Variants in MSI2 observed in about 807,000 individuals in gnomAD.
MSI2 encodes the protein RNA-binding protein Musashi homolog 2.
MSI2 carries 17 observed loss-of-function variants against 45.6 expected under a neutral mutation model. The observed-to-expected ratio is 0.37, with a 90% CI of 0.26 to 0.56. The LOEUF is 0.56. Among genes scored for constraint, MSI2 ranks in the 20% least tolerant of loss-of-function variants. MSI2 has a pLI of 0.77. For synonymous variants in MSI2, 156 were observed against 158.2 expected, an observed-to-expected ratio of 0.99 and a Z score of 0.11; for missense variants, 293 against 444.2, an observed-to-expected ratio of 0.66 and a Z score of 3.06.
chr17:57,326,456 G>C (rs546248657), intron 5 of MSI2, among the ~76,000 whole-genome samples: 1 of 152,306 alleles, frequency 6.6e-6, no homozygotes, highest in East Asian at 1.9e-4. Context: ...CTTGGGATAA[G>C]AGATATAGGT....
intron 5 of MSI2, among the ~76,000 whole-genome samples, chr17:57,379,474 CTTTCT>C (rs1304831765): frequency 6.8e-6 from 1 of 147,010 alleles, no homozygotes; most frequent in Non-Finnish European, 1.5e-5. Flanking sequence ...TTTTCGTTTT[CTTTCT>C]TCTTTTTTTT....
rs72834960 is a variant in MSI2 at position 57,652,724 on chromosome 17, C to T, written c.790+563C>T. 0.077 allele frequency among the ~76,000 whole-genome samples: 11,758 copies of T among 152,250 alleles called. 1,327 individuals carry two copies. The highest frequency in any genetic ancestry group is 0.25 in the African/African-American group (10,302 of 41,486). On this transcript the variant is annotated intron_variant, in intron 11 of 13. Transcript: ENST00000284073. This position sits in a 1 kb window ranked among gnomAD's most constrained non-coding sequence, Gnocchi z 4.1. Reference sequence around the variant, plus strand: ...CCAGACTCTTCTTAGCCAGACTCCTCAGCTCCAGCTGCCAAGGGAATTGGG... The same window carrying T: ...CCAGACTCTTCTTAGCCAGACTCCTTAGCTCCAGCTGCCAAGGGAATTGGG...
chr17:57,539,830 G>C (rs2087003785), intron 7 of MSI2, among the ~76,000 whole-genome samples: 1 of 152,174 alleles, frequency 6.6e-6, no homozygotes, highest in Non-Finnish European at 1.5e-5. Context: ...GGAGCTCAAA[G>C]TGCTTCGTAA....
At chr17:57,519,913 A>C (rs889202172) in intron 6 of MSI2, among the ~76,000 whole-genome samples, 1 of 152,132 alleles carries the variant, frequency 6.6e-6, no homozygotes, top group Non-Finnish European at 1.5e-5. Context: ...GTATGATGCC[A>C]CGTGTGTGGG....
intron 11 of MSI2, among the ~76,000 whole-genome samples, chr17:57,658,340 A>G (rs1911753137): frequency 6.6e-6 from 1 of 152,228 alleles, no homozygotes; most frequent in African/African-American, 2.4e-5. Context: ...ATCTTACCTG[A>G]ACACACATCT....
At chr17:57,482,698 G>C (rs2085672231) in intron 6 of MSI2, among the ~76,000 whole-genome samples, 1 of 152,130 alleles carries the variant, frequency 6.6e-6, no homozygotes, top group Non-Finnish European at 1.5e-5. Flanking sequence ...CCGAGACTCT[G>C]TGCCTCTCAC....
chr17:57,557,380 T>C (rs1191307704), intron 7 of MSI2, among the ~76,000 whole-genome samples: 6 of 152,258 alleles, frequency 3.9e-5, no homozygotes, highest in Admixed American at 1.3e-4. Context: ...CAAGACATCA[T>C]GATGGAGTCT....
At chr17:57,312,353 A>G (rs2143613304) in intron 5 of MSI2, among the ~76,000 whole-genome samples, 1 of 152,164 alleles carries the variant, frequency 6.6e-6, no homozygotes, top group East Asian at 1.9e-4. Context: ...TTCTTTTTCA[A>G]AACTGCCAAC....
intron 6 of MSI2, among the ~76,000 whole-genome samples, chr17:57,443,730 G>C (rs1019692430): frequency 2.6e-5 from 4 of 152,142 alleles, no homozygotes; most frequent in Non-Finnish European, 5.9e-5. Flanking sequence ...TCACTCACTA[G>C]CTGTGTCCTT....
chr17:57,291,041 G>A (rs942030846), intron 5 of MSI2, among the ~76,000 whole-genome samples: 8 of 152,188 alleles, frequency 5.3e-5, no homozygotes, highest in African/African-American at 1.9e-4. Flanking sequence ...CAGCAGATGA[G>A]GGAAGACTTG....
chr17:57,334,464 C>T (rs137967719), intron 5 of MSI2, among the ~76,000 whole-genome samples: 3 of 152,172 alleles, frequency 2.0e-5, no homozygotes, highest in African/African-American at 7.2e-5. Context: ...AGCTGGGGAA[C>T]GCCTCTGAAA....
At chr17:57,331,222 T>C (rs1232142322) in intron 5 of MSI2, among the ~76,000 whole-genome samples, 3 of 152,220 alleles carry the variant, frequency 2.0e-5, no homozygotes, top group African/African-American at 7.2e-5. Flanking sequence ...CCATGTTCTT[T>C]GTGTCTCAGA....
At chr17:57,290,061 A>G (rs189218432) in intron 5 of MSI2, among the ~76,000 whole-genome samples, 4 of 152,312 alleles carry the variant, frequency 2.6e-5, no homozygotes, top group Admixed American at 2.6e-4. Context: ...AGTATAGCCC[A>G]TGGTTGACAG....
intron 5 of MSI2, among the ~76,000 whole-genome samples, chr17:57,346,200 A>G (rs1264955036): frequency 3.9e-5 from 6 of 152,240 alleles, no homozygotes; most frequent in African/African-American, 1.4e-4. Context: ...TTACATCATT[A>G]CTATAAATGA....
chr17:57,545,591 G>GA (rs1388019826), intron 7 of MSI2, among the ~76,000 whole-genome samples: 1 of 152,150 alleles, frequency 6.6e-6, no homozygotes, highest in Admixed American at 6.5e-5. Flanking sequence ...CCGATGGGGG[G>GA]ACCAGTAAAT....
the MSI2 span, among the ~76,000 whole-genome samples, chr17:57,698,665 C>T: frequency 6.6e-6 from 1 of 152,180 alleles, no homozygotes; most frequent in African/African-American, 2.4e-5. Context: ...CTCTTACATG[C>T]TCTCTTGAGT....
chr17:57,309,052 A>T (rs1280313350), intron 5 of MSI2, among the ~76,000 whole-genome samples: 3 of 152,220 alleles, frequency 2.0e-5, no homozygotes, highest in Non-Finnish European at 2.9e-5. Flanking sequence ...CTATTAGCTC[A>T]TGTGATCCTA....
chr17:57,614,138 C>T (rs558109858), intron 8 of MSI2, among the ~76,000 whole-genome samples: 1 of 152,284 alleles, frequency 6.6e-6, no homozygotes, highest in African/African-American at 2.4e-5. Flanking sequence ...ACACCCTCCA[C>T]CTCCCGGGTT....
Position 57,680,251 on chromosome 17 carries a change from G to GTTT in MSI2, c.*736_*738dup. ...TCGGCAATAAGGTAAGGACGACAGT[G>GTTT]TTTTGAGTGTCCTCCTTTTCTATAA... On this transcript the variant is annotated 3_prime_UTR_variant, in exon 14 of 14. Coordinates refer to ENST00000284073, the MANE Select transcript of MSI2 (RefSeq NM_138962.4). 4.4e-6 allele frequency: 1 copy of GTTT among 229,156 alleles called. No individual in the cohort carries two copies. Among genetic ancestry groups the GTTT allele is most frequent in the Non-Finnish European group, 8.7e-6 (1 of 115,482 alleles). 14.2% of individuals were successfully genotyped at this position (229,156 alleles called of 1,614,324 possible).
Sources: allele counts gnomAD v4.1 joint callset (sites outside exome capture counted in the v4.1 genomes callset), GRCh38; gene constraint gnomAD v4.1.1; non-coding constraint Gnocchi (gnomAD v3.1); transcripts MANE v1.5; gene names NCBI Gene and HGNC (gene_info 2026-07-23, HGNC 2026-07-21).